Variants in PMS2 observed in about 807,000 individuals in gnomAD.
PMS2 encodes the protein mismatch repair endonuclease PMS2.
In PMS2, 69 loss-of-function variants were observed where a neutral mutation model predicts 90.0. The ratio of observed to expected loss-of-function variants is 0.77; its 90% confidence interval spans 0.63 to 0.94. The LOEUF (loss-of-function observed/expected upper bound fraction) is 0.94. Ranked by LOEUF, PMS2 falls within the 40% of genes least tolerant of loss-of-function variation. PMS2 has a pLI of 0.00. For synonymous variants in PMS2, 332 were observed against 375.1 expected, an observed-to-expected ratio of 0.89 and a Z score of 1.33; for missense variants, 966 against 1,040.2, an observed-to-expected ratio of 0.93 and a Z score of 0.98.
intron 11 of PMS2, among the ~76,000 whole-genome samples, chr7:5,983,549 TA>T (rs1782536177): frequency 1.3e-5 from 2 of 151,866 alleles, no homozygotes; most frequent in Admixed American, 1.3e-4. Context: ...TTTTTAATTT[TA>T]AAAAACAAAA....
intron 7 of PMS2, among the ~76,000 whole-genome samples, chr7:5,996,149 C>T (rs1292004402): frequency 6.6e-6 from 1 of 152,166 alleles, no homozygotes; most frequent in African/African-American, 2.4e-5. Context: ...ACACCACCTT[C>T]ACATAAAGAC....
At chr7:5,978,054 A>G (rs967354796) in intron 13 of PMS2, among the ~76,000 whole-genome samples, 1 of 149,824 alleles carries the variant, frequency 6.7e-6, no homozygotes, top group African/African-American at 2.5e-5. Flanking sequence ...TGGGAGGCGG[A>G]GCTTGCAGTG....
At position 5,986,804 on chromosome 7, in the gene PMS2, G is replaced by C. The variant is rs779587825; in HGVS notation, c.1961C>G (p.Pro654Arg). 1 of 1,612,140 alleles carries C rather than the reference G, an allele frequency of 6.2e-7. No homozygotes were observed. The highest frequency in any genetic ancestry group is 8.5e-7 in the Non-Finnish European group (1 of 1,179,526). Residue 654 changes from proline (P) to arginine (R), a missense_variant, in exon 11 of 15, where the codon CCT becomes CGT. This residue lies in a region of PMS2 where 871 missense variants were observed against 802.4 expected (regional missense o/e 1.09). Transcript: ENST00000265849. ...NYRKFRAKIC[P>R]GENQAAEDEL... The stretch of plus-strand genomic sequence containing the variant: ...ATCTTCGGCTGCTTGATTTTCTCCA[G>C]GACAAATCTTTGCCCTAAACTTCCT...
chr7:5,997,217 A>G, intron 7 of PMS2, 109 bp downstream of exon 7: 1 of 263,272 alleles, frequency 3.8e-6, no homozygotes, highest in East Asian at 9.0e-5. Flanking sequence ...CCGTCTCAAG[A>G]AAAAAAAAAA....
At chr7:5,995,790 C>G (rs1784334159) in intron 7 of PMS2, among the ~76,000 whole-genome samples, 157 bp from the exon 8 acceptor site, 1 of 152,176 alleles carries the variant, frequency 6.6e-6, no homozygotes, top group Non-Finnish European at 1.5e-5. Context: ...TGCTCCAAAT[C>G]TTGATGAGTC....
At chr7:5,988,328 T>C (rs1210672141) in intron 10 of PMS2, among the ~76,000 whole-genome samples, 1 of 152,002 alleles carries the variant, frequency 6.6e-6, no homozygotes, top group Non-Finnish European at 1.5e-5. Flanking sequence ...CCTGTAATCC[T>C]AGCCCTTTGA....
chr7:6,004,782 AT>A (rs1293030597), intron 2 of PMS2, among the ~76,000 whole-genome samples: 3 of 151,906 alleles, frequency 2.0e-5, no homozygotes, highest in Non-Finnish European at 4.4e-5. Flanking sequence ...TATCAGCTTT[AT>A]AATCTCAAAA....
rs1164227556 is a variant in PMS2 at position 5,987,204 on chromosome 7, C to T, written c.1561G>A (p.Ala521Thr). The part of the protein sequence containing the change: ...TGSHCSSEYA[A>T]SSPGDRGSQE... ...GAGCCCCTGTCCCCTGGGGAGCTGGCCGCATACTCGCTGCTGCAGTGACTG... is the reference window on the plus strand; with the variant it reads ...GAGCCCCTGTCCCCTGGGGAGCTGGTCGCATACTCGCTGCTGCAGTGACTG... The change falls in exon 11 of 15, where the codon GCC becomes ACC. Residue 521 changes from alanine to threonine, a missense_variant. By Grantham distance (58) the Ala-to-Thr change is moderately conservative (BLOSUM62 0). Transcript: ENST00000265849. 6.2e-7 allele frequency: 1 copy of T among 1,614,104 alleles called. No individual in the cohort carries two copies. Among genetic ancestry groups the T allele is most frequent in the Non-Finnish European group, 8.5e-7 (1 of 1,180,026 alleles).
At chr7:6,006,134 T>C (rs1785739206) in intron 1 of PMS2, 103 bp from the exon 2 acceptor site, 1 of 1,223,554 alleles carries the variant, frequency 8.2e-7, no homozygotes, top group African/African-American at 1.5e-5. Context: ...AATTTATGGG[T>C]CTAATCTATT....
intron 4 of PMS2, 74 bp downstream of exon 4, chr7:6,003,613 AAAT>A (rs1286088913): frequency 4.9e-6 from 4 of 819,426 alleles, no homozygotes; most frequent in African/African-American, 3.4e-5. Flanking sequence ...AGAAAACTGA[AAAT>A]AATAATGATT....
rs745614929 is a variant in PMS2 at position 5,977,626 on chromosome 7, C to T, written c.2407G>A (p.Val803Ile). ...GCTCTGGAGGCAAACATCTGCTTGA[C>T]TCGGGAAGGCCGGCACATGACCCCA... ...SPGVMCRPSR[V>I]KQMFASRACR... The change falls in exon 14 of 15, where the codon GTC becomes ATC. Residue 803 changes from valine (V) to isoleucine (I), a missense_variant. Around this residue, in one of 2 missense-constraint regions of PMS2, gnomAD observed 95 missense variants for 237.8 expected, o/e 0.40. Transcript: ENST00000265849. 2 of 1,594,176 alleles carry T rather than the reference C, an allele frequency of 1.3e-6. No individual in the cohort carries two copies. Among genetic ancestry groups the T allele is most frequent in the South Asian group, 1.1e-5 (1 of 90,098 alleles).
Position 5,999,252 on chromosome 7 carries a change from G to A in PMS2, c.561C>T (p.Val187=), listed in dbSNP as rs144233131. The change falls in exon 6 of 15, where the codon GTC becomes GTT. Residue 187 remains valine, a synonymous_variant. Coordinates refer to ENST00000265849, the MANE Select transcript of PMS2 (RefSeq NM_000535.7). The part of the protein sequence containing the change: ...IKKEYAKMVQ[V]LHAYCIISAG... ...CTGAAATGATACAGTATGCATGTAAGACCTGGACCATTTTGGCATACTCCT... is the reference window on the plus strand; with the variant it reads ...CTGAAATGATACAGTATGCATGTAAAACCTGGACCATTTTGGCATACTCCT... 6.2e-7 allele frequency: 1 copy of A among 1,613,966 alleles called. No homozygotes were observed. The highest frequency in any genetic ancestry group is 8.5e-7 in the Non-Finnish European group (1 of 1,179,936).
intron 5 of PMS2, 43 bp from the exon 6 acceptor site, chr7:5,999,318 AT>A (rs1784842707): frequency 1.3e-6 from 2 of 1,536,816 alleles, no homozygotes; most frequent in Non-Finnish European, 1.8e-6. Flanking sequence ...TTACTTTAAT[AT>A]TATAGGAATT....
rs587780049 is a variant in PMS2 at position 6,004,010 on chromosome 7, T to C, written c.212A>G (p.Asn71Ser). ...YGVDLIEVSD[N>S]GCGVEEENFE... Reference sequence around the variant, plus strand: ...GTTTTCTTCTTCTACCCCACATCCATTGTCTGAAACTTCAATAAGATCCAC... The same window carrying C: ...GTTTTCTTCTTCTACCCCACATCCACTGTCTGAAACTTCAATAAGATCCAC... The change falls in exon 3 of 15, where the codon AAT (asparagine) becomes AGT (serine). Residue 71 changes from asparagine (N) to serine (S), a missense_variant. Around this residue, in one of 2 missense-constraint regions of PMS2, gnomAD observed 871 missense variants for 802.4 expected, o/e 1.09. Transcript: ENST00000265849. The C allele has an allele frequency of 1.2e-6, 2 of 1,606,004 alleles. No individual in the cohort carries two copies. The highest frequency in any genetic ancestry group is 1.1e-5 in the South Asian group (1 of 90,862).
rs878854057 is a variant in PMS2, at chr7:5,999,150, G to A, written c.663C>T (p.Pro221=). The A allele has an allele frequency of 6.2e-7, 1 of 1,614,026 alleles. No individual in the cohort carries two copies. The highest frequency in any genetic ancestry group is 1.1e-5 in the South Asian group (1 of 91,084). The change falls in exon 6 of 15, where the codon CCC becomes CCT. Residue 221 remains proline (P), a synonymous_variant. Transcript: ENST00000265849. ...CAGAGCCGATATTTTCCTTTATGCT[G>A]GGGCTTCCACCTGTGCATACCACAG... is the stretch of plus-strand genomic sequence containing the variant. ...RQPVVCTGGS[P]SIKENIGSVF... is the part of the protein sequence containing the mutation.
chr7:5,979,936 A>AGG (rs1338022599), intron 12 of PMS2, among the ~76,000 whole-genome samples: 8 of 75,636 alleles, frequency 1.1e-4, no homozygotes. Flanking sequence ...GCAAATACTC[A>AGG]GGCAAGTCGA....
intron 14 of PMS2, among the ~76,000 whole-genome samples, chr7:5,976,046 C>T (rs891983477): frequency 6.9e-6 from 1 of 144,732 alleles, no homozygotes; most frequent in Non-Finnish European, 1.5e-5. Flanking sequence ...CAACACCAGC[C>T]TGACCAACAT....
At chr7:6,001,800 C>A (rs1057168162) in intron 5 of PMS2, among the ~76,000 whole-genome samples, 1 of 151,810 alleles carries the variant, frequency 6.6e-6, no homozygotes, top group African/African-American at 2.4e-5. Context: ...CCTGGCCAGC[C>A]TGGACAACAT....
intron 5 of PMS2, among the ~76,000 whole-genome samples, chr7:6,001,013 T>G (rs1785030053): frequency 6.6e-6 from 1 of 152,204 alleles, no homozygotes. Context: ...AAAGTTAAAA[T>G]TAGCACCAAA....
Sources: allele counts gnomAD v4.1 joint callset (sites outside exome capture counted in the v4.1 genomes callset), GRCh38; gene constraint gnomAD v4.1.1; regional missense constraint gnomAD v4.1.1; transcripts MANE v1.5; gene names NCBI Gene and HGNC (gene_info 2026-07-23, HGNC 2026-07-21).